TNFRSF11A: variants seen among roughly 807,000 people sequenced by gnomAD.
TNFRSF11A encodes tumor necrosis factor receptor superfamily member 11A.
In TNFRSF11A, 32 loss-of-function variants were observed where a neutral mutation model predicts 55.7. The ratio of observed to expected loss-of-function variants is 0.57; its 90% CI spans 0.43 to 0.77. TNFRSF11A has a LOEUF of 0.77. TNFRSF11A is among the 30% of genes least tolerant of loss of function. TNFRSF11A has a pLI of 0.00. For missense variants in TNFRSF11A, 753 were observed against 809.8 expected, an observed-to-expected ratio of 0.93 and a Z score of 0.85; for synonymous variants, 311 against 331.0, an observed-to-expected ratio of 0.94 and a Z score of 0.65.
Position 62,341,908 on chromosome 18 carries a change from C to A in TNFRSF11A, c.76-6260C>A, listed in dbSNP as rs184575878. 6.5e-3 allele frequency among the ~76,000 whole-genome samples: 875 copies of A among 134,232 alleles called. 6 individuals carry two copies. In the Middle Eastern group the frequency reaches 0.074, roughly 11 times the overall value. 88.1% of individuals were successfully genotyped at this position (134,232 alleles called of 152,430 possible). ...TCAGTTTTATTAAAGAAATATCAGGCATTCTTCTCTCCGGGTCAAACTGGA... is the reference window on the plus strand; with the variant it reads ...TCAGTTTTATTAAAGAAATATCAGGAATTCTTCTCTCCGGGTCAAACTGGA... On this transcript the variant is annotated intron_variant, in intron 1 of 9. Transcript: ENST00000586569.
At chr18:62,349,216 G>A (rs2046429743) in intron 2 of TNFRSF11A, among the ~76,000 whole-genome samples, 1 of 140,710 alleles carries the variant, frequency 7.1e-6, no homozygotes, top group Non-Finnish European at 1.5e-5. Context: ...TTGCTCTGTT[G>A]CCCAGGCTGG....
Position 62,361,735 on chromosome 18 carries a change from C to T in TNFRSF11A, c.672C>T (p.Ala224=). 6.2e-7 allele frequency: 1 copy of T among 1,614,122 alleles called. No individual in the cohort carries two copies. The highest frequency in any genetic ancestry group is 8.5e-7 in the Non-Finnish European group (1 of 1,180,042). Reference sequence around the variant, plus strand: ...TTCTGCTTCTCTTCGCGTCTGTGGCCCTGGTGGCTGCCATCATCTTTGGCG... The same window carrying T: ...TTCTGCTTCTCTTCGCGTCTGTGGCTCTGGTGGCTGCCATCATCTTTGGCG... The part of the protein sequence containing the change: ...LIILLLFASV[A]LVAAIIFGVC... The change falls in exon 7 of 10, where the codon GCC becomes GCT. Residue 224 remains alanine, a synonymous_variant. Transcript: ENST00000586569.
chr18:62,384,046 A>AACACACACACAC (rs58712892), intron 9 of TNFRSF11A, among the ~76,000 whole-genome samples: 3 of 146,046 alleles, frequency 2.1e-5, no homozygotes, highest in Admixed American at 2.0e-4. Flanking sequence ...TTCTGTGTTG[A>AACACACACACAC]ACACACACAC....
At chr18:62,354,270 C>T (rs1442314406) in intron 3 of TNFRSF11A, 121 bp from the exon 4 acceptor site, 7 of 1,280,776 alleles carry the variant, frequency 5.5e-6, no homozygotes, top group African/African-American at 4.5e-5. Flanking sequence ...TGGTGATTCA[C>T]TCTGCAGGCC....
chr18:62,348,552 G>T (rs576779984), intron 2 of TNFRSF11A, among the ~76,000 whole-genome samples: 1 of 152,312 alleles, frequency 6.6e-6, no homozygotes, highest in South Asian at 2.1e-4. Context: ...TAATATTTTA[G>T]CACTTTATGA....
intron 1 of TNFRSF11A, among the ~76,000 whole-genome samples, chr18:62,344,453 C>G (rs969785601): frequency 1.3e-5 from 2 of 152,232 alleles, no homozygotes; most frequent in South Asian, 2.1e-4. Flanking sequence ...GACAAAATCA[C>G]TCTATTAACT....
chr18:62,362,311 T>C (rs903367256), intron 7 of TNFRSF11A, among the ~76,000 whole-genome samples: 1 of 151,534 alleles, frequency 6.6e-6, no homozygotes, highest in Non-Finnish European at 1.5e-5. Context: ...GCCAACATGG[T>C]GAAACCCCAT....
chr18:62,386,522 G>A lies in TNFRSF11A; in HGVS notation c.*1488G>A, dbSNP rs933647672. 7.9e-5 allele frequency: 12 copies of A among 152,322 alleles called. No individual in the cohort carries two copies. The South Asian group carries it at 1.7e-3, about 21-fold the overall frequency. 9.4% of individuals were successfully genotyped at this position (152,322 alleles called of 1,614,324 possible). A position where few individuals can be genotyped will look rare whatever the true frequency, so the allele number is the denominator to read the frequency against. ...CAGGTGGAAGGAAATCCCCTGGGTG[G>A]TTTTATCTTTTGTTACCCAGTGAGC... On this transcript the variant is annotated 3_prime_UTR_variant, in exon 10 of 10. Coordinates refer to ENST00000586569, the MANE Select transcript of TNFRSF11A (RefSeq NM_003839.4).
At chr18:62,378,863 C>G (rs1006817802) in intron 9 of TNFRSF11A, among the ~76,000 whole-genome samples, 1 of 152,220 alleles carries the variant, frequency 6.6e-6, no homozygotes, top group African/African-American at 2.4e-5. Context: ...CTCCTATTCT[C>G]TGCCCCACAT....
At position 62,361,734 on chromosome 18, in the gene TNFRSF11A, C is replaced by G; in HGVS notation, c.671C>G (p.Ala224Gly). The G allele has an allele frequency of 6.2e-7, 1 of 1,614,134 alleles. No homozygotes were observed. The highest frequency in any genetic ancestry group is 1.6e-4 in the Middle Eastern group (1 of 6,062). The part of the protein sequence containing the change: ...LIILLLFASV[A>G]LVAAIIFGVC... The stretch of plus-strand genomic sequence containing the variant: ...ATTCTGCTTCTCTTCGCGTCTGTGG[C>G]CCTGGTGGCTGCCATCATCTTTGGC... The change falls in exon 7 of 10, where the codon GCC becomes GGC. Residue 224 changes from alanine (A) to glycine (G), a missense_variant. Physicochemically the swap from Ala to Gly is moderately conservative, Grantham distance 60. This residue lies in a region of TNFRSF11A where 567 missense variants were observed against 596.7 expected (regional missense o/e 0.95). Transcript: ENST00000586569.
chr18:62,359,262 A>G (rs1242674584), intron 5 of TNFRSF11A, among the ~76,000 whole-genome samples: 1 of 152,154 alleles, frequency 6.6e-6, no homozygotes, highest in Admixed American at 6.5e-5. Context: ...ACATAAATAA[A>G]TGTTTATTTT....
intron 1 of TNFRSF11A, among the ~76,000 whole-genome samples, chr18:62,339,091 G>A (rs1161497192): frequency 2.0e-5 from 3 of 152,026 alleles, no homozygotes; most frequent in Admixed American, 6.6e-5. Flanking sequence ...ACCTTCTTGC[G>A]CTTTCTCATC....
In TNFRSF11A at chr18:62,384,924, TTCGCGGGG is replaced by T. The variant is rs1911595095; in HGVS notation, c.1742_1749del (p.Phe581Ter). 2 of 1,555,286 alleles carry T rather than the reference TTCGCGGGG, an allele frequency of 1.3e-6. No individual in the cohort carries two copies. Among genetic ancestry groups the T allele is most frequent in the Admixed American group, 3.8e-5 (2 of 52,162 alleles). Reference sequence around the variant, plus strand: ...GGAGACCCTGGCGCGCCGAGACTCCTTCGCGGGGAACGGCCCGCGCTTCCCGGACCCGT... The same window carrying T: ...GGAGACCCTGGCGCGCCGAGACTCCTAACGGCCCGCGCTTCCCGGACCCGT... On this transcript the variant is annotated frameshift_variant, in exon 10 of 10. Transcript: ENST00000586569. LOFTEE classifies it low-confidence loss of function (END_TRUNC).
chr18:62,329,365 C>G (rs1487050853), intron 1 of TNFRSF11A, among the ~76,000 whole-genome samples: 1 of 152,234 alleles, frequency 6.6e-6, no homozygotes, highest in Non-Finnish European at 1.5e-5. Context: ...GCACACCTGC[C>G]TCTGAGCACA....
rs2145264422 is a variant in TNFRSF11A, at chr18:62,340,642, G to A, written c.76-7526G>A. Among the ~76,000 whole-genome samples, 2 of 151,548 alleles carry A rather than the reference G, an allele frequency of 1.3e-5. 1 individual carries two copies. The highest frequency in any genetic ancestry group is 4.2e-4 in the South Asian group (2 of 4,792). The stretch of plus-strand genomic sequence containing the variant: ...TGGCAGCAGAATTTTTTTTTCAAGA[G>A]CTATGTGTAAAATATATTTCTTAGA... On this transcript the variant is annotated intron_variant, in intron 1 of 9. Transcript: ENST00000586569.
Position 62,384,738 on chromosome 18 carries a change from C to A in TNFRSF11A, c.1568-13C>A, listed in dbSNP as rs746323231. ...ACTCACCCTCCCCGTGTTCTCCCTT[C>A]CTCTCCCCGCAGGAAATGTGACTGG... On this transcript the variant is annotated splice_polypyrimidine_tract_variant and intron_variant, in intron 9 of 9. Coordinates refer to ENST00000586569, the MANE Select transcript of TNFRSF11A (RefSeq NM_003839.4). The A allele has an allele frequency of 6.2e-7, 1 of 1,610,420 alleles. No individual in the cohort carries two copies. Among genetic ancestry groups the A allele is most frequent in the Non-Finnish European group, 8.5e-7 (1 of 1,178,338 alleles).
chr18:62,358,072 C>T (rs2145319653), intron 4 of TNFRSF11A, 176 bp from the exon 5 acceptor site: 2 of 633,720 alleles, frequency 3.2e-6, no homozygotes, highest in East Asian at 2.8e-5. Flanking sequence ...TGGGCCCAAG[C>T]CTGTGGGAGC....
At chr18:62,328,322 G>C (rs1298892934) in intron 1 of TNFRSF11A, among the ~76,000 whole-genome samples, 1 of 152,054 alleles carries the variant, frequency 6.6e-6, no homozygotes, top group Non-Finnish European at 1.5e-5. Flanking sequence ...GGAAACCAGA[G>C]GTCAGGGAAG....
intron 9 of TNFRSF11A, among the ~76,000 whole-genome samples, chr18:62,376,037 A>C (rs533878756): frequency 6.6e-6 from 1 of 152,250 alleles, no homozygotes; most frequent in South Asian, 2.1e-4. Flanking sequence ...TCAGTGTGTC[A>C]CAGAATAGGG....
Sources: gnomAD v4.1 joint callset for allele counts (sites outside exome capture counted in the v4.1 genomes callset) on GRCh38, gnomAD v4.1.1 for gene constraint, gnomAD v4.1.1 regional missense constraint, MANE v1.5 for transcripts, NCBI Gene and HGNC (gene_info 2026-07-23, HGNC 2026-07-21) for gene names.